SHB: variants seen among roughly 807,000 people sequenced by gnomAD.
SHB encodes SH2 domain-containing adapter protein B.
In SHB, 20 loss-of-function variants were observed where a neutral mutation model predicts 52.3. The ratio of observed to expected loss-of-function variants is 0.38; its 90% confidence interval spans 0.27 to 0.56. The LOEUF (loss-of-function observed/expected upper bound fraction) is 0.56. Ranked by LOEUF, SHB falls within the 20% of genes least tolerant of loss-of-function variation. The pLI, the probability that SHB is intolerant of heterozygous loss-of-function variation, is 0.71. For synonymous variants in SHB, 397 were observed against 316.5 expected (o/e 1.25, Z -2.70); for missense variants, 825 against 723.3 (o/e 1.14, Z -1.61).
intron 5 of SHB, among the ~76,000 whole-genome samples, chr9:37,926,740 T>C (rs1384132899): frequency 1.3e-5 from 2 of 152,224 alleles, no homozygotes; most frequent in Non-Finnish European, 2.9e-5. Context: ...GGCCCTGCTA[T>C]CTTAGCAGAA....
At chr9:37,959,046 G>A (rs1832666471) in intron 3 of SHB, among the ~76,000 whole-genome samples, 5 of 152,192 alleles carry the variant, frequency 3.3e-5, no homozygotes, top group Admixed American at 3.3e-4. Flanking sequence ...GATAATCAGA[G>A]AATGGGCTTT....
At chr9:38,012,081 G>A (rs1200561467) in intron 2 of SHB, among the ~76,000 whole-genome samples, 1 of 152,180 alleles carries the variant, frequency 6.6e-6, no homozygotes, top group Non-Finnish European at 1.5e-5. Context: ...GCCCCTGGGA[G>A]AAACAGGCAC....
chr9:38,031,033 A>G (rs10814646), intron 1 of SHB, among the ~76,000 whole-genome samples: 69,083 of 152,124 alleles, frequency 0.45, 17,309 homozygotes, highest in Middle Eastern at 0.59. Context: ...CATTTTATGA[A>G]GGAAAGGGCT....
chr9:37,946,907 A>C (rs1273664799), intron 5 of SHB, among the ~76,000 whole-genome samples: 1 of 151,820 alleles, frequency 6.6e-6, no homozygotes, highest in Non-Finnish European at 1.5e-5. Flanking sequence ...GGCTGGTGAC[A>C]CTTGAGTCCT....
At chr9:37,932,321 C>T (rs1210077803) in intron 5 of SHB, among the ~76,000 whole-genome samples, 1 of 147,572 alleles carries the variant, frequency 6.8e-6, no homozygotes, top group Non-Finnish European at 1.5e-5. Context: ...TATGATTGAT[C>T]TCATTTACAT....
rs138685980 is a variant in SHB, at chr9:38,061,612, A to G, written c.717+6317T>C. Among the ~76,000 whole-genome samples the G allele has an allele frequency of 4.6e-5, 7 of 152,324 alleles. No individual in the cohort carries two copies. The East Asian group carries it at 1.4e-3, about 29-fold the overall frequency. ...TGTTTCAGATTTGACTTTTAAAGCTAATTTTTATGGGTCAGAAATGCTCTG... is the reference window on the plus strand; with the variant it reads ...TGTTTCAGATTTGACTTTTAAAGCTGATTTTTATGGGTCAGAAATGCTCTG... On this transcript the variant is annotated intron_variant, in intron 1 of 5. Coordinates refer to ENST00000377707, the MANE Select transcript of SHB (RefSeq NM_003028.3).
chr9:37,976,972 T>C (rs1415335539), intron 2 of SHB, among the ~76,000 whole-genome samples: 1 of 152,238 alleles, frequency 6.6e-6, no homozygotes, highest in Non-Finnish European at 1.5e-5. Context: ...AAGCCAAGGA[T>C]ACTGTGCCTG....
intron 1 of SHB, among the ~76,000 whole-genome samples, chr9:38,039,876 G>A (rs532557336): frequency 4.5e-4 from 69 of 152,350 alleles, no homozygotes; most frequent in African/African-American, 1.6e-3. Flanking sequence ...GAGGAGAAAT[G>A]GGCCTCTCGA....
chr9:37,946,690 G>A (rs529258449), intron 5 of SHB, among the ~76,000 whole-genome samples: 6 of 152,310 alleles, frequency 3.9e-5, no homozygotes, highest in Non-Finnish European at 5.9e-5. Context: ...TGAACGGCCC[G>A]GTTTGGCATG....
chr9:37,918,309 G>T lies in SHB; in HGVS notation c.*1512C>A, dbSNP rs1052746593. Among the ~76,000 whole-genome samples, 2 of 152,228 alleles carry T rather than the reference G, an allele frequency of 1.3e-5. No homozygotes were observed. The highest frequency in any genetic ancestry group is 2.9e-5 in the Non-Finnish European group (2 of 68,042). ...GCTGAGAAACTCTTAGCCTCATCGGGGCTGCCTGGCCTGTGTGGGAGGACC... is the reference window on the plus strand; with the variant it reads ...GCTGAGAAACTCTTAGCCTCATCGGTGCTGCCTGGCCTGTGTGGGAGGACC... On this transcript the variant is annotated 3_prime_UTR_variant, in exon 6 of 6. Coordinates refer to ENST00000377707, the MANE Select transcript of SHB (RefSeq NM_003028.3).
chr9:38,054,266 C>G (rs996196901), intron 1 of SHB, among the ~76,000 whole-genome samples: 5 of 152,210 alleles, frequency 3.3e-5, no homozygotes, highest in Admixed American at 6.5e-5. Flanking sequence ...AGCTAGCCCC[C>G]ACAAGGGGCC....
intron 5 of SHB, among the ~76,000 whole-genome samples, chr9:37,942,305 G>A (rs1242951410): frequency 6.6e-6 from 1 of 152,206 alleles, no homozygotes; most frequent in South Asian, 2.1e-4. Flanking sequence ...TGATAATGTC[G>A]TGCTCCTCCT....
At chr9:37,921,688 T>C (rs908875719) in intron 5 of SHB, among the ~76,000 whole-genome samples, 5 of 152,206 alleles carry the variant, frequency 3.3e-5, no homozygotes, top group Non-Finnish European at 7.3e-5. Context: ...CATCGGAGAA[T>C]TGCCTAGACA....
intron 5 of SHB, among the ~76,000 whole-genome samples, chr9:37,932,510 G>T (rs948327367): frequency 7.4e-6 from 1 of 134,974 alleles, no homozygotes; most frequent in Admixed American, 8.3e-5. Context: ...TAAACAAATT[G>T]TACTTCATAT....
chr9:37,920,984 C>T (rs113152251), intron 5 of SHB, among the ~76,000 whole-genome samples: 1 of 152,168 alleles, frequency 6.6e-6, no homozygotes, highest in Non-Finnish European at 1.5e-5. Context: ...ACAGTCCTCC[C>T]ACCAGCATTT....
chr9:37,999,302 A>G (rs982521786), intron 2 of SHB, among the ~76,000 whole-genome samples: 1 of 152,154 alleles, frequency 6.6e-6, no homozygotes, highest in African/African-American at 2.4e-5. Context: ...CTCTGTTCTC[A>G]AACCTCCTAG....
chr9:38,038,029 T>G (rs1417659105), intron 1 of SHB, among the ~76,000 whole-genome samples: 3 of 152,222 alleles, frequency 2.0e-5, no homozygotes, highest in Non-Finnish European at 4.4e-5. Context: ...TAAGAGTTTT[T>G]AAAAGTCAGG....
chr9:37,921,309 C>A (rs374890734), intron 5 of SHB, among the ~76,000 whole-genome samples: 110 of 152,314 alleles, frequency 7.2e-4, no homozygotes, highest in African/African-American at 2.6e-3. Flanking sequence ...GCTCCAGCTC[C>A]GCCCCTAGCC....
intron 2 of SHB, among the ~76,000 whole-genome samples, chr9:37,987,464 C>T (rs1015773658): frequency 1.2e-4 from 18 of 152,142 alleles, no homozygotes; most frequent in African/African-American, 3.4e-4. Flanking sequence ...GTCAGTGTTC[C>T]CTCCACTCCA....
Sources: gnomAD v4.1 joint callset for allele counts (sites outside exome capture counted in the v4.1 genomes callset) on GRCh38, gnomAD v4.1.1 for gene constraint, MANE v1.5 for transcripts, NCBI Gene and HGNC (gene_info 2026-07-23, HGNC 2026-07-21) for gene names.